Variants in TUBGCP3 observed in about 807,000 individuals in gnomAD.
TUBGCP3 encodes gamma-tubulin complex component 3.
In TUBGCP3, 50 loss-of-function variants were observed where a neutral mutation model predicts 123.1. The ratio of observed to expected loss-of-function variants is 0.41; its 90% confidence interval spans 0.32 to 0.51. The LOEUF (loss-of-function observed/expected upper bound fraction) is 0.51. Ranked by LOEUF, TUBGCP3 falls within the 20% of genes least tolerant of loss-of-function variation. The pLI, the probability that TUBGCP3 is intolerant of heterozygous loss-of-function variation, is 0.36. For missense variants in TUBGCP3, 882 were observed against 1,127.0 expected, an observed-to-expected ratio of 0.78 and a Z score of 3.11; for synonymous variants, 405 against 413.9, an observed-to-expected ratio of 0.98 and a Z score of 0.26.
At chr13:112,531,596 T>C (rs554799504) in intron 11 of TUBGCP3, among the ~76,000 whole-genome samples, 14 of 152,316 alleles carry the variant, frequency 9.2e-5, no homozygotes, top group African/African-American at 2.9e-4. Flanking sequence ...ATCCTAATAG[T>C]TGGAGTACAG....
chr13:112,495,219 C>T (rs1880456253), intron 20 of TUBGCP3, among the ~76,000 whole-genome samples: 1 of 152,030 alleles, frequency 6.6e-6, no homozygotes, highest in South Asian at 2.1e-4. Context: ...GTCTTTAATC[C>T]ATTTTGATTT....
intron 1 of TUBGCP3, among the ~76,000 whole-genome samples, chr13:112,577,661 T>C (rs764265460): frequency 9.8e-5 from 15 of 152,338 alleles, no homozygotes; most frequent in Non-Finnish European, 1.6e-4. Context: ...CTAACAAGTG[T>C]ACCACGGTTA....
intron 11 of TUBGCP3, among the ~76,000 whole-genome samples, chr13:112,527,927 G>A (rs908066542): frequency 2.0e-5 from 3 of 152,208 alleles, no homozygotes; most frequent in South Asian, 2.1e-4. Context: ...CCAGGCCGGC[G>A]TCCTCTGTTC....
rs1397909917 is a variant in TUBGCP3, at chr13:112,519,078, T to G, written c.1882-35A>C. ...GAAACAAACACATAATTGCAAGACC[T>G]TAAGCTTCTTGCTGAAGAACTTGTT... On this transcript the variant is annotated intron_variant, in intron 15 of 21. Coordinates refer to ENST00000261965, the MANE Select transcript of TUBGCP3 (RefSeq NM_006322.6). The surrounding 1 kb of genome is among the most constrained non-coding windows in gnomAD (Gnocchi z 6.2). 3.9e-6 allele frequency: 6 copies of G among 1,540,910 alleles called. No homozygotes were observed. The highest frequency in any genetic ancestry group is 5.4e-6 in the Non-Finnish European group (6 of 1,114,820).
intron 19 of TUBGCP3, among the ~76,000 whole-genome samples, chr13:112,502,593 T>C (rs540962529): frequency 6.8e-6 from 1 of 147,172 alleles, no homozygotes; most frequent in East Asian, 2.0e-4. Flanking sequence ...TTGCCCAGGC[T>C]GGAGTGCAAT....
At chr13:112,533,075 T>C (rs963129096) in intron 11 of TUBGCP3, among the ~76,000 whole-genome samples, 2 of 152,136 alleles carry the variant, frequency 1.3e-5, no homozygotes, top group Non-Finnish European at 2.9e-5. Flanking sequence ...TGATTGGCAC[T>C]CAAAGAGCTT....
chr13:112,504,210 T>C (rs748289014), intron 18 of TUBGCP3, 47 bp from the exon 19 acceptor site: 18 of 1,612,134 alleles, frequency 1.1e-5, no homozygotes, highest in Non-Finnish European at 1.5e-5. Flanking sequence ...ATGTCCTTCC[T>C]AGTGTAGCAT....
the TUBGCP3 span, among the ~76,000 whole-genome samples, chr13:112,598,951 A>G: frequency 1.3e-5 from 2 of 151,672 alleles, no homozygotes; most frequent in Non-Finnish European, 2.9e-5. Flanking sequence ...GTCTCAAAAA[A>G]AAAAAAAAAA....
chr13:112,572,659 G>A (rs1278727658), intron 1 of TUBGCP3, among the ~76,000 whole-genome samples: 1 of 152,198 alleles, frequency 6.6e-6, no homozygotes, highest in Non-Finnish European at 1.5e-5. Context: ...CAGCTGGTCG[G>A]CAGAGTAGTC....
At chr13:112,581,824 C>T (rs1882293786) in intron 1 of TUBGCP3, among the ~76,000 whole-genome samples, 2 of 152,130 alleles carry the variant, frequency 1.3e-5, no homozygotes, top group African/African-American at 2.4e-5. Context: ...GTTTTATATA[C>T]TTTTCAACTT....
Position 112,519,178 on chromosome 13 carries a change from TAAC to T in TUBGCP3, c.1882-138_1882-136del. 1.4e-6 allele frequency: 1 copy of T among 699,070 alleles called. No individual in the cohort carries two copies. The highest frequency in any genetic ancestry group is 2.6e-6 in the Non-Finnish European group (1 of 389,778). The allele number at this position is 699,070 out of a possible 1,614,324, so 43.3% of individuals were successfully genotyped here. On this transcript the variant is annotated intron_variant, in intron 15 of 21. Transcript: ENST00000261965. This position sits in a 1 kb window ranked among gnomAD's most constrained non-coding sequence, Gnocchi z 6.2. ...AACAGTTCTGAGTGCATCTTCTTGT[TAAC>T]TTCTACAACCTCACCAATTAGGCAA... is the stretch of plus-strand genomic sequence containing the variant.
At chr13:112,559,164 TC>T (rs1880293818) in intron 4 of TUBGCP3, among the ~76,000 whole-genome samples, 157 bp downstream of exon 4, 1 of 149,780 alleles carries the variant, frequency 6.7e-6, no homozygotes, top group South Asian at 2.1e-4. Context: ...ACTAAAAATG[TC>T]CTTAAAAAGA....
intron 2 of TUBGCP3, among the ~76,000 whole-genome samples, chr13:112,568,897 TAACA>T (rs1202876271): frequency 6.6e-6 from 1 of 152,166 alleles, no homozygotes; most frequent in East Asian, 1.9e-4. Flanking sequence ...AACCAAAAGC[TAACA>T]AATGGAAAGC....
At chr13:112,520,611 T>A (rs904069113) in intron 14 of TUBGCP3, among the ~76,000 whole-genome samples, 2 of 152,242 alleles carry the variant, frequency 1.3e-5, no homozygotes, top group African/African-American at 4.8e-5. Context: ...TAACAAAGTT[T>A]TCAAACTTCA....
intron 17 of TUBGCP3, among the ~76,000 whole-genome samples, chr13:112,507,840 A>G (rs948856629): frequency 1.3e-5 from 2 of 152,208 alleles, no homozygotes; most frequent in Non-Finnish European, 2.9e-5. Context: ...GTAGATACAC[A>G]GTGATTAGTG....
chr13:112,548,425 G>C (rs535560035), intron 8 of TUBGCP3, among the ~76,000 whole-genome samples: 1 of 152,224 alleles, frequency 6.6e-6, no homozygotes, highest in Admixed American at 6.5e-5. Flanking sequence ...AATATATATG[G>C]TATAGTTTTC....
At chr13:112,568,452 C>T (rs1285379041) in intron 2 of TUBGCP3, among the ~76,000 whole-genome samples, 1 of 95,550 alleles carries the variant, frequency 1.0e-5, no homozygotes, top group Admixed American at 1.0e-4. Context: ...GCTTCTAGAA[C>T]GTGTTATTAC....
chr13:112,507,036 T>C (rs956062572), intron 17 of TUBGCP3, among the ~76,000 whole-genome samples: 3 of 152,222 alleles, frequency 2.0e-5, no homozygotes, highest in African/African-American at 7.2e-5. Flanking sequence ...TGTACATATA[T>C]TTGTCCTCAA....
upstream of TUBGCP3, among the ~76,000 whole-genome samples, chr13:112,590,312 C>T (rs1383959773): frequency 6.6e-6 from 1 of 152,160 alleles, no homozygotes; most frequent in African/African-American, 2.4e-5. Context: ...CGATGTGACT[C>T]ACTGGAGCCC....
Sources: allele counts gnomAD v4.1 joint callset (sites outside exome capture counted in the v4.1 genomes callset), GRCh38; gene constraint gnomAD v4.1.1; non-coding constraint Gnocchi (gnomAD v3.1); transcripts MANE v1.5; gene names NCBI Gene and HGNC (gene_info 2026-07-23, HGNC 2026-07-21).